The following CYP24A1 variants were observed in gnomAD, a reference collection of about 807,000 sequenced individuals.
The protein encoded by CYP24A1 is cytochrome P450 family 24 subfamily A member 1.
Under a neutral mutation model 62.4 loss-of-function variants are expected in CYP24A1, and 68 were observed. That is an observed-to-expected ratio of 1.09 (90% CI 0.90 to 1.33). The LOEUF (loss-of-function observed/expected upper bound fraction) is 1.33, where lower values mean the gene tolerates loss of function less well. Ranked by LOEUF, CYP24A1 falls within the 40% of genes most tolerant of loss-of-function variation. CYP24A1 has a pLI of 0.00. For missense variants in CYP24A1, 787 were observed against 653.0 expected (o/e 1.21, Z -2.24); for synonymous variants, 267 against 253.0 (o/e 1.06, Z -0.52).
At chr20:54,157,803 C>G (rs1483840184) in intron 9 of CYP24A1, among the ~76,000 whole-genome samples, 2 of 152,184 alleles carry the variant, frequency 1.3e-5, no homozygotes, top group African/African-American at 2.4e-5. Flanking sequence ...CCCTGCGCAG[C>G]AGATTCTGTT....
chr20:54,163,824 G>A (rs759739800), intron 6 of CYP24A1, among the ~76,000 whole-genome samples: 8 of 152,146 alleles, frequency 5.3e-5, no homozygotes, highest in Admixed American at 5.2e-4. Flanking sequence ...TTAATTATTA[G>A]TCCATTTTAG....
At position 54,171,905 on chromosome 20, in the gene CYP24A1, C is replaced by T. The variant is rs2092695422; in HGVS notation, c.450-235G>A. On this transcript the variant is annotated intron_variant, in intron 2 of 11. Coordinates refer to ENST00000216862, the MANE Select transcript of CYP24A1 (RefSeq NM_000782.5). ...CTTTCCTCCTAGTCAAAGATTGCAC[C>T]AAAAAGTTGAAGTCCAGATAATTTG... 3 of 1,059,068 alleles carry T rather than the reference C, an allele frequency of 2.8e-6. No individual in the cohort carries two copies. In the South Asian group the frequency reaches 5.0e-5, roughly 18 times the overall value. 65.6% of individuals were successfully genotyped at this position (1,059,068 alleles called of 1,614,324 possible).
intron 4 of CYP24A1, among the ~76,000 whole-genome samples, chr20:54,168,837 T>G (rs1601143468): frequency 1.8e-5 from 1 of 54,616 alleles, no homozygotes; most frequent in African/African-American, 6.8e-5. Context: ...CTTCCCTCCC[T>G]CCCTCCCTTC....
Position 54,171,615 on chromosome 20 carries a change from G to C in CYP24A1, c.505C>G (p.Pro169Ala). The C allele has an allele frequency of 6.2e-7, 1 of 1,613,814 alleles. No homozygotes were observed. Among genetic ancestry groups the C allele is most frequent in the Non-Finnish European group, 8.5e-7 (1 of 1,179,864 alleles). ...TTGTCCAGCTTCATCACTTCCCCTG[G>C]TTTCATTAGTTTCTTTTGAAAGGCA... is the stretch of plus-strand genomic sequence containing the variant. ...RSAFQKKLMK[P>A]GEVMKLDNKI... Residue 169 changes from proline to alanine, a missense_variant, in exon 3 of 12, where the codon CCA (proline) becomes GCA (alanine). Coordinates refer to ENST00000216862, the MANE Select transcript of CYP24A1 (RefSeq NM_000782.5).
chr20:54,169,189 C>T (rs2092685233), intron 4 of CYP24A1, among the ~76,000 whole-genome samples: 1 of 152,134 alleles, frequency 6.6e-6, no homozygotes, highest in Non-Finnish European at 1.5e-5. Flanking sequence ...AGGCATGTGC[C>T]ACCATGCCTG....
chr20:54,153,045 T>C (rs937213191), downstream of CYP24A1, among the ~76,000 whole-genome samples: 1 of 152,178 alleles, frequency 6.6e-6, no homozygotes, highest in African/African-American at 2.4e-5. Flanking sequence ...AAACAGTGAA[T>C]GTGGTAGGCA....
chr20:54,156,715 G>T (rs559720183), intron 11 of CYP24A1, among the ~76,000 whole-genome samples: 3 of 152,216 alleles, frequency 2.0e-5, no homozygotes, highest in Non-Finnish European at 4.4e-5. Context: ...GCAATAGAAA[G>T]CTAGGACATC....
rs759571935 is a variant in CYP24A1, at chr20:54,173,245, A to T, written c.258+77T>A. 11 of 1,523,278 alleles carry T rather than the reference A, an allele frequency of 7.2e-6. No homozygotes were observed. The allele number at this position is 1,523,278 out of a possible 1,614,324, so 94.4% of individuals were successfully genotyped here. ...AGCGCACCATGCGCCCGAGGCGCGC[A>T]TGTCGGGGAGGGTTTGGAGCGCCAC... On this transcript the variant is annotated intron_variant, in intron 1 of 11. Transcript: ENST00000216862. The surrounding 1 kb of genome is among the most constrained non-coding windows in gnomAD (Gnocchi z 7.2).
intron 2 of CYP24A1, 101 bp from the exon 3 acceptor site, chr20:54,171,771 A>G (rs544395374): frequency 1.2e-6 from 2 of 1,604,726 alleles, no homozygotes; most frequent in Non-Finnish European, 1.7e-6. Context: ...AATCAAACAA[A>G]CACTGAGAAT....
chr20:54,143,701 G>C, the CYP24A1 span, among the ~76,000 whole-genome samples: 1 of 150,030 alleles, frequency 6.7e-6, no homozygotes, highest in South Asian at 2.1e-4. Context: ...TAAAAAGAAG[G>C]ATAAACAAAA....
chr20:54,149,379 T>G (rs1463048239), downstream of CYP24A1, among the ~76,000 whole-genome samples: 1 of 152,184 alleles, frequency 6.6e-6, no homozygotes, highest in Admixed American at 6.5e-5. Context: ...CTATTCTGTC[T>G]CCCTCAAGGC....
chr20:54,157,184 G>A lies in CYP24A1; in HGVS notation c.1540C>T (p.Arg514Ter), dbSNP rs778326571. The A allele has an allele frequency of 4.4e-5, 69 of 1,567,634 alleles. No individual in the cohort carries two copies. Among genetic ancestry groups the A allele is most frequent in the Non-Finnish European group, 5.6e-5 (64 of 1,138,390 alleles). ...AGATGCTCACCTGAGGCGTATTATC[G>A]CTGGCAAAACGCGATGGGGAGTTCC... Reference protein sequence around the residue: ...SRELPIAFCQR With the variant: ...SRELPIAFCQ Residue 514 changes from arginine to a stop codon, truncating the protein, a stop_gained, in exon 11 of 12, where the codon CGA becomes TGA. Coordinates refer to ENST00000216862, the MANE Select transcript of CYP24A1 (RefSeq NM_000782.5). LOFTEE classifies it high-confidence loss of function.
intron 4 of CYP24A1, among the ~76,000 whole-genome samples, chr20:54,166,716 C>A (rs999005994): frequency 6.6e-6 from 1 of 151,934 alleles, no homozygotes; most frequent in Non-Finnish European, 1.5e-5. Flanking sequence ...AAAATTATCT[C>A]TTGTAACCTT....
chr20:54,150,527 T>C (rs1474057035), downstream of CYP24A1, among the ~76,000 whole-genome samples: 1 of 152,146 alleles, frequency 6.6e-6, no homozygotes, highest in African/African-American at 2.4e-5. Flanking sequence ...GGTTTTGCCA[T>C]GTTGGCCAGG....
At chr20:54,159,178 C>G in intron 7 of CYP24A1, 55 bp from the exon 8 acceptor site, 1 of 1,423,366 alleles carries the variant, frequency 7.0e-7, no homozygotes, top group South Asian at 1.1e-5. Context: ...CATTAAACCA[C>G]TATTAGCTGA....
rs748676671 is a variant in CYP24A1, at chr20:54,173,062, A to G, written c.296T>C (p.Met99Thr). The change falls in exon 2 of 12, where the codon ATG (methionine) becomes ACG (threonine). Residue 99 changes from methionine (M) to threonine (T), a missense_variant. Met to Thr is a moderately conservative substitution (Grantham distance 81, BLOSUM62 -1). Coordinates refer to ENST00000216862, the MANE Select transcript of CYP24A1 (RefSeq NM_000782.5). The surrounding 1 kb of genome is among the most constrained non-coding windows in gnomAD (Gnocchi z 7.2). ...YHKKYGKIFR[M>T]KLGSFESVHL... ...CACCGACTCAAAGGAACCCAACTTC[A>G]TGCGGAAAATCTTGCCATACTTCTT... 173 of 1,606,414 alleles carry G rather than the reference A, an allele frequency of 1.1e-4. No individual in the cohort carries two copies. The highest frequency in any genetic ancestry group is 3.3e-4 in the Middle Eastern group (2 of 6,036).
intron 5 of CYP24A1, among the ~76,000 whole-genome samples, chr20:54,165,093 G>T (rs866145468): frequency 2.0e-5 from 3 of 152,108 alleles, no homozygotes; most frequent in Admixed American, 6.5e-5. Context: ...TTTATGTTAC[G>T]TGCATATATC....
rs772562011 is a variant in CYP24A1, at chr20:54,164,828, TAAAA to T, written c.733-269_733-266del. On this transcript the variant is annotated intron_variant, in intron 5 of 11. Transcript: ENST00000216862. ...AAATTGTAATCTTATGACCTAATTG[TAAAA>T]AAAAAAAAAAAAAGAGGAAAAACGA... Among the ~76,000 whole-genome samples, 2,277 of 122,864 alleles carry T rather than the reference TAAAA, an allele frequency of 0.019. 20 individuals carry two copies. The highest frequency in any genetic ancestry group is 0.025 in the Admixed American group (304 of 12,110). The allele number at this position is 122,864 out of a possible 152,430, so 80.6% of individuals were successfully genotyped here.
chr20:54,161,471 C>T (rs954731206), intron 7 of CYP24A1, among the ~76,000 whole-genome samples: 2 of 152,204 alleles, frequency 1.3e-5, no homozygotes, highest in Non-Finnish European at 2.9e-5. Context: ...GAGTGGGAAC[C>T]CTTGTCTCTG....
Sources: allele counts gnomAD v4.1 joint callset (sites outside exome capture counted in the v4.1 genomes callset), GRCh38; gene constraint gnomAD v4.1.1; non-coding constraint Gnocchi (gnomAD v3.1); transcripts MANE v1.5; gene names NCBI Gene and HGNC (gene_info 2026-07-23, HGNC 2026-07-21).